Variants in PREX1 observed in about 807,000 individuals in gnomAD.
PREX1 encodes the protein phosphatidylinositol-3,4,5-trisphosphate dependent Rac exchange factor 1.
Under a neutral mutation model 198.3 loss-of-function variants are expected in PREX1, and 41 were observed. That is an observed-to-expected ratio of 0.21 (90% CI 0.16 to 0.27). The LOEUF (loss-of-function observed/expected upper bound fraction) is 0.27, where lower values mean the gene tolerates loss of function less well. PREX1 is among the 10% of genes least tolerant of loss of function. The pLI is 1.00. For synonymous variants in PREX1, 843 were observed against 887.2 expected (o/e 0.95, Z 0.89); for missense variants, 1,620 against 2,200.7 (o/e 0.74, Z 5.28).
At chr20:48,626,079 A>G in intron 39 of PREX1, 152 bp from the exon 40 acceptor site, 1 of 862,278 alleles carries the variant, frequency 1.2e-6, no homozygotes, top group South Asian at 1.9e-5. Flanking sequence ...TATGCTGTCC[A>G]TGCCTTCTGC....
At chr20:48,804,509 T>C (rs2090402139) in intron 1 of PREX1, among the ~76,000 whole-genome samples, 1 of 152,026 alleles carries the variant, frequency 6.6e-6, no homozygotes, top group African/African-American at 2.4e-5. Context: ...GAGGCAGGAG[T>C]GTGCTGGGCA....
At chr20:48,668,333 GT>G (rs1334935330) in intron 14 of PREX1, among the ~76,000 whole-genome samples, 2 of 152,212 alleles carry the variant, frequency 1.3e-5, no homozygotes, top group Non-Finnish European at 2.9e-5. Context: ...GCACTGCTGT[GT>G]CCCCGCTCAA....
At chr20:48,672,892 C>G (rs2089685544) in intron 14 of PREX1, among the ~76,000 whole-genome samples, 1 of 152,198 alleles carries the variant, frequency 6.6e-6, no homozygotes, top group South Asian at 2.1e-4. Flanking sequence ...TCCTCTTATT[C>G]TTATTTATTA....
At position 48,632,372 on chromosome 20, in the gene PREX1, C is replaced by A. The variant is rs2089321562; in HGVS notation, c.4431G>T (p.Gly1477=). The A allele has an allele frequency of 6.2e-7, 1 of 1,613,880 alleles. No individual in the cohort carries two copies. The highest frequency in any genetic ancestry group is 8.5e-7 in the Non-Finnish European group (1 of 1,179,992). The change falls in exon 35 of 40, where the codon GGG becomes GGT. Residue 1477 remains glycine (G), a synonymous_variant. Transcript: ENST00000371941. ...CGGCCTGGCTGCCTGGAGAAGGCAG[C>A]CCCTCCACGTTCTCCAGCACTGGGA... The part of the protein sequence containing the change: ...LFTKVLENVE[G]LPSPGSQAAE...
intron 3 of PREX1, among the ~76,000 whole-genome samples, chr20:48,740,700 G>A (rs912642346): frequency 6.6e-6 from 1 of 152,162 alleles, no homozygotes; most frequent in Non-Finnish European, 1.5e-5. Context: ...GAAGAGGCGT[G>A]ATAATTTTAA....
Position 48,797,228 on chromosome 20 carries a change from C to T in PREX1, c.219+30414G>A, listed in dbSNP as rs555714659. On this transcript the variant is annotated intron_variant, in intron 1 of 39. Coordinates refer to ENST00000371941, the MANE Select transcript of PREX1 (RefSeq NM_020820.4). ...CCCTGAGAGGTGGCCAAGCTAGGGT[C>T]CAGCCCCGCACCACAACTTCCCCAG... 2.0e-5 allele frequency among the ~76,000 whole-genome samples: 3 copies of T among 152,136 alleles called. No individual in the cohort carries two copies. The South Asian group carries it at 6.2e-4, about 32-fold the overall frequency.
At chr20:48,767,101 A>ACT (rs1246222579) in intron 1 of PREX1, among the ~76,000 whole-genome samples, 1 of 151,970 alleles carries the variant, frequency 6.6e-6, no homozygotes, top group Non-Finnish European at 1.5e-5. Flanking sequence ...CTGCTCCCAC[A>ACT]CTCTGTTCCC....
At chr20:48,824,231 C>T (rs1755490123) in intron 1 of PREX1, among the ~76,000 whole-genome samples, 1 of 152,152 alleles carries the variant, frequency 6.6e-6, no homozygotes, top group South Asian at 2.1e-4. Flanking sequence ...ACACGCAAAA[C>T]ACCAAACTCA....
intron 15 of PREX1, among the ~76,000 whole-genome samples, chr20:48,661,468 T>TATATATATATATATATATACATATACAC (rs1373152651): frequency 2.6e-5 from 2 of 76,798 alleles, no homozygotes; most frequent in African/African-American, 2.0e-4. Flanking sequence ...TATATATATA[T>TATATATATATATATATATACATATACAC]ACACACACAT....
At chr20:48,644,669 G>A (rs112783523) in intron 26 of PREX1, among the ~76,000 whole-genome samples, 172 bp from the exon 27 acceptor site, 198 of 152,388 alleles carry the variant, frequency 1.3e-3, no homozygotes, top group Non-Finnish European at 1.7e-3. Flanking sequence ...AGGGAAGGCC[G>A]GCCTGGTGGG....
Position 48,725,076 on chromosome 20 carries a change from A to C in PREX1, c.621+1214T>G, listed in dbSNP as rs367835699. ...GTTCGTGGGCAGAGCTGATGGCCCC[A>C]GGGTCTGGCCCAGTTCAGAGGCTCC... On this transcript the variant is annotated intron_variant, in intron 5 of 39. Transcript: ENST00000371941. Among the ~76,000 whole-genome samples the C allele has an allele frequency of 1.5e-3, 226 of 152,326 alleles. 1 individual carries two copies. Among genetic ancestry groups the C allele is most frequent in the African/African-American group, 5.1e-3 (214 of 41,578 alleles).
At chr20:48,637,200 T>C (rs1779141577) in intron 31 of PREX1, among the ~76,000 whole-genome samples, 1 of 152,246 alleles carries the variant, frequency 6.6e-6, no homozygotes, top group African/African-American at 2.4e-5. Context: ...TTTCAAGCAA[T>C]TGGTCTCTCA....
At chr20:48,838,575 T>G in the PREX1 span, among the ~76,000 whole-genome samples, 5 of 152,058 alleles carry the variant, frequency 3.3e-5, no homozygotes, top group East Asian at 9.6e-4. Flanking sequence ...TCAAAGAATA[T>G]TTAATAGAAT....
At chr20:48,746,402 T>C (rs1047301624) in intron 2 of PREX1, among the ~76,000 whole-genome samples, 3 of 152,166 alleles carry the variant, frequency 2.0e-5, no homozygotes, top group African/African-American at 7.2e-5. Context: ...CACAGGAGAA[T>C]GGGTAAGTAA....
At chr20:48,713,263 C>G (rs1251756485) in intron 5 of PREX1, among the ~76,000 whole-genome samples, 1 of 152,014 alleles carries the variant, frequency 6.6e-6, no homozygotes, top group East Asian at 1.9e-4. Context: ...ACCAGCCTAG[C>G]CAACATGGCA....
Position 48,653,511 on chromosome 20 carries a change from G to A in PREX1, c.2210-14C>T. 1 of 1,599,034 alleles carries A rather than the reference G, an allele frequency of 6.3e-7. No individual in the cohort carries two copies. The highest frequency in any genetic ancestry group is 2.2e-5 in the East Asian group (1 of 44,530). On this transcript the variant is annotated splice_polypyrimidine_tract_variant and intron_variant, in intron 19 of 39. Transcript: ENST00000371941. ...TGGCCTCAGAGCCTAAGGGGAACAGGAGCACATGAGGCTGGATGCCAGGCA... is the reference window on the plus strand; with the variant it reads ...TGGCCTCAGAGCCTAAGGGGAACAGAAGCACATGAGGCTGGATGCCAGGCA...
intron 1 of PREX1, among the ~76,000 whole-genome samples, chr20:48,785,379 G>GT (rs1339206313): frequency 1.3e-5 from 2 of 152,212 alleles, no homozygotes; most frequent in Non-Finnish European, 2.9e-5. Flanking sequence ...CAGCCCAGAG[G>GT]ACACCTTTAG....
intron 5 of PREX1, among the ~76,000 whole-genome samples, chr20:48,713,758 A>G (rs78258755): frequency 1.5e-4 from 22 of 150,306 alleles, no homozygotes; most frequent in East Asian, 3.9e-4. Flanking sequence ...AAAAAAAAAA[A>G]AGAGAGAGAG....
chr20:48,698,416 G>A (rs1411581826), intron 7 of PREX1, among the ~76,000 whole-genome samples: 1 of 152,172 alleles, frequency 6.6e-6, no homozygotes, highest in Non-Finnish European at 1.5e-5. Context: ...GCTCCAGACT[G>A]CTTGGGGCAG....
Sources: gnomAD v4.1 joint callset for allele counts (sites outside exome capture counted in the v4.1 genomes callset) on GRCh38, gnomAD v4.1.1 for gene constraint, MANE v1.5 for transcripts, NCBI Gene and HGNC (gene_info 2026-07-23, HGNC 2026-07-21) for gene names.